LMAN2L: variants seen among roughly 807,000 people sequenced by gnomAD.
The protein encoded by LMAN2L is lectin, mannose binding 2 like.
Under a neutral mutation model 44.3 loss-of-function variants are expected in LMAN2L, and 30 were observed. That is an observed-to-expected ratio of 0.68 (90% CI 0.51 to 0.92). The LOEUF (loss-of-function observed/expected upper bound fraction) is 0.92, where lower values mean the gene tolerates loss of function less well. Among genes scored for constraint, LMAN2L ranks in the 40% least tolerant of loss-of-function variants. The probability of loss-of-function intolerance (pLI) is 0.00; values close to 1 mark genes in which losing one functional copy is unlikely to be tolerated. For synonymous variants in LMAN2L, 183 were observed against 171.1 expected (o/e 1.07, Z -0.54); for missense variants, 429 against 446.1 (o/e 0.96, Z 0.35).
chr2:96,738,983 C>T (rs111959239), intron 1 of LMAN2L, among the ~76,000 whole-genome samples: 2 of 152,138 alleles, frequency 1.3e-5, no homozygotes, highest in South Asian at 2.1e-4. Context: ...CCTCGTGATC[C>T]GCCCACCTCG....
chr2:96,717,887 A>C (rs2078073222), intron 4 of LMAN2L, among the ~76,000 whole-genome samples: 1 of 152,252 alleles, frequency 6.6e-6, no homozygotes, highest in South Asian at 2.1e-4. Flanking sequence ...GTAAAACATT[A>C]ACATTTTCGG....
intron 4 of LMAN2L, among the ~76,000 whole-genome samples, chr2:96,718,925 C>G (rs2078095326): frequency 6.6e-6 from 1 of 152,160 alleles, no homozygotes; most frequent in Non-Finnish European, 1.5e-5. Flanking sequence ...TCATCACGCT[C>G]TCTTAAGAAA....
chr2:96,720,421 G>C (rs559415811), intron 4 of LMAN2L, among the ~76,000 whole-genome samples: 12 of 151,850 alleles, frequency 7.9e-5, no homozygotes, highest in Non-Finnish European at 1.3e-4. Context: ...GTGTGAGAAA[G>C]TGATGATCAT....
intron 4 of LMAN2L, among the ~76,000 whole-genome samples, chr2:96,729,814 A>T (rs1169988469): frequency 1.3e-5 from 2 of 152,070 alleles, no homozygotes; most frequent in Non-Finnish European, 2.9e-5. Context: ...CCTTAAATTT[A>T]GTTTTATAAG....
At chr2:96,725,617 GT>G (rs1301799025) in intron 4 of LMAN2L, among the ~76,000 whole-genome samples, 1 of 148,950 alleles carries the variant, frequency 6.7e-6, no homozygotes, top group Non-Finnish European at 1.5e-5. Flanking sequence ...TGATTTTTTT[GT>G]ATTTTTTTAG....
chr2:96,739,873 C>T lies in LMAN2L; in HGVS notation c.168G>A (p.Ser56=). Residue 56 remains serine, a synonymous_variant, in exon 1 of 8, where the codon TCG becomes TCA. Coordinates refer to ENST00000264963, the MANE Select transcript of LMAN2L (RefSeq NM_030805.4). ...QTFEYLKREH[S]LSKPYQGVGT... is the part of the protein sequence containing the mutation. ...CCTCACCCTGGTAGGGCTTCGACAG[C>T]GAGTGCTCCCGTTTCAAGTACTCGA... 1 of 1,613,876 alleles carries T rather than the reference C, an allele frequency of 6.2e-7. No individual in the cohort carries two copies.
intron 1 of LMAN2L, 83 bp from the exon 2 acceptor site, chr2:96,738,150 A>ATG: frequency 1.1e-6 from 1 of 887,242 alleles, no homozygotes; most frequent in Non-Finnish European, 1.8e-6. Context: ...CTGAAAGCTG[A>ATG]GCCATCATCT....
At chr2:96,730,388 C>A (rs2078367142) in intron 4 of LMAN2L, among the ~76,000 whole-genome samples, 1 of 152,156 alleles carries the variant, frequency 6.6e-6, no homozygotes, top group South Asian at 2.1e-4. Flanking sequence ...AACAGGAACA[C>A]AATCCTTCAG....
In LMAN2L at chr2:96,738,769, CT is replaced by C. The variant is rs201733652; in HGVS notation, c.188-703del. On this transcript the variant is annotated intron_variant, in intron 1 of 7. Transcript: ENST00000264963. Reference sequence around the variant, plus strand: ...TTTTTTTTTTTCTTTGAGATGGAGTCTCGCTCTGTTGCCCAGGCTGAAGTGC... The same window carrying C: ...TTTTTTTTTTTCTTTGAGATGGAGTCCGCTCTGTTGCCCAGGCTGAAGTGC... Among the ~76,000 whole-genome samples the C allele has an allele frequency of 1.4e-3, 215 of 151,376 alleles. 5 individuals are homozygous for C. The East Asian group carries it at 0.032, about 23-fold the overall frequency.
At chr2:96,728,978 C>T (rs1295494355) in intron 4 of LMAN2L, among the ~76,000 whole-genome samples, 2 of 151,952 alleles carry the variant, frequency 1.3e-5, no homozygotes, top group African/African-American at 4.8e-5. Context: ...CAAGACCATC[C>T]TGGCTAACAC....
chr2:96,737,377 C>T (rs141872557), intron 2 of LMAN2L, among the ~76,000 whole-genome samples: 11 of 152,320 alleles, frequency 7.2e-5, no homozygotes, highest in Admixed American at 3.3e-4. Context: ...CAACCAGGAC[C>T]GGTGGCTCAC....
intron 4 of LMAN2L, among the ~76,000 whole-genome samples, chr2:96,715,547 G>T (rs2078023665): frequency 6.6e-6 from 1 of 152,178 alleles, no homozygotes; most frequent in South Asian, 2.1e-4. Flanking sequence ...GAATCACACT[G>T]GTTCAGGCAA....
chr2:96,734,719 A>T (rs987709570), intron 2 of LMAN2L, 193 bp from the exon 3 acceptor site: 12 of 571,828 alleles, frequency 2.1e-5, no homozygotes, highest in Non-Finnish European at 3.7e-5. Context: ...CTGTTTAGAG[A>T]TTTAATATGA....
chr2:96,729,931 A>C (rs948458925), intron 4 of LMAN2L, among the ~76,000 whole-genome samples: 8 of 152,198 alleles, frequency 5.3e-5, no homozygotes, highest in African/African-American at 1.9e-4. Context: ...ACTTCAGACG[A>C]ACTGAATCAG....
chr2:96,737,074 A>C (rs1045922494), intron 2 of LMAN2L: 4 of 441,004 alleles, frequency 9.1e-6, no homozygotes, highest in Non-Finnish European at 1.8e-5. Context: ...GTCATGCCCA[A>C]AAGTAAACTG....
intron 2 of LMAN2L, chr2:96,734,809 T>C (rs1460758352): frequency 1.3e-5 from 5 of 395,074 alleles, no homozygotes; most frequent in Non-Finnish European, 2.3e-5. Flanking sequence ...AAGACAAGAG[T>C]GTACCAAACT....
chr2:96,724,431 C>G (rs1558956885), intron 4 of LMAN2L, among the ~76,000 whole-genome samples: 4 of 152,296 alleles, frequency 2.6e-5, no homozygotes, highest in African/African-American at 7.2e-5. Flanking sequence ...TTAACAATAC[C>G]AAGTCTTCCA....
At chr2:96,708,048 T>A (rs1023009282) in intron 6 of LMAN2L, among the ~76,000 whole-genome samples, 1 of 152,262 alleles carries the variant, frequency 6.6e-6, no homozygotes, top group Non-Finnish European at 1.5e-5. Flanking sequence ...CAAGCATGCA[T>A]TACCTGTATA....
intron 4 of LMAN2L, among the ~76,000 whole-genome samples, chr2:96,712,335 C>T (rs1366110659): frequency 1.3e-5 from 2 of 152,224 alleles, no homozygotes; most frequent in Non-Finnish European, 1.5e-5. Context: ...CCATTTGGCA[C>T]TTATGTGCCG....
Sources: gnomAD v4.1 joint callset for allele counts (sites outside exome capture counted in the v4.1 genomes callset) on GRCh38, gnomAD v4.1.1 for gene constraint, MANE v1.5 for transcripts, NCBI Gene and HGNC (gene_info 2026-07-23, HGNC 2026-07-21) for gene names.